SMYD3: variants seen among roughly 807,000 people sequenced by gnomAD.
SMYD3 encodes the protein SET and MYND domain containing 3.
SMYD3 carries 36 observed loss-of-function variants against 57.7 expected under a neutral mutation model. That is an observed-to-expected ratio of 0.62 (90% CI 0.48 to 0.82). SMYD3 has a LOEUF of 0.82. Ranked by LOEUF, SMYD3 falls within the 40% of genes least tolerant of loss-of-function variation. The pLI, the probability that SMYD3 is intolerant of heterozygous loss-of-function variation, is 0.00. For missense variants in SMYD3, 515 were observed against 538.8 expected (o/e 0.96, Z 0.44); for synonymous variants, 211 against 195.0 (o/e 1.08, Z -0.68).
At chr1:245,866,602 C>T (rs1162597801) in intron 8 of SMYD3, among the ~76,000 whole-genome samples, 2 of 152,044 alleles carry the variant, frequency 1.3e-5, no homozygotes, top group Admixed American at 6.5e-5. Flanking sequence ...TCTAGTGGCA[C>T]ACGCCTGTAA....
At chr1:246,093,587 G>A (rs1404256088) in intron 5 of SMYD3, among the ~76,000 whole-genome samples, 3 of 152,098 alleles carry the variant, frequency 2.0e-5, no homozygotes, top group African/African-American at 7.2e-5. Context: ...AGAGTAGAGG[G>A]GTGGTTATCA....
At chr1:245,751,548 G>C (rs1280613072) in intron 11 of SMYD3, among the ~76,000 whole-genome samples, 10 of 149,368 alleles carry the variant, frequency 6.7e-5, no homozygotes, top group Admixed American at 4.0e-4. Context: ...GAGAAAGAGA[G>C]AGAGAGACAG....
intron 5 of SMYD3, among the ~76,000 whole-genome samples, chr1:246,107,757 T>C (rs1184190203): frequency 6.6e-6 from 1 of 152,228 alleles, no homozygotes; most frequent in African/African-American, 2.4e-5. Flanking sequence ...GCTGTGCTGA[T>C]GCCATGGGAA....
At chr1:245,913,499 C>T (rs1339072020) in intron 8 of SMYD3, among the ~76,000 whole-genome samples, 1 of 150,278 alleles carries the variant, frequency 6.7e-6, no homozygotes, top group Non-Finnish European at 1.5e-5. Flanking sequence ...TGCCCTAGAA[C>T]TTAAACTATA....
chr1:246,377,344 A>G (rs1254725618), intron 1 of SMYD3, among the ~76,000 whole-genome samples: 3 of 151,978 alleles, frequency 2.0e-5, no homozygotes, highest in Non-Finnish European at 4.4e-5. Flanking sequence ...TCATGAGATA[A>G]TAAGAATAAA....
At chr1:246,446,766 A>C (rs1257030716) in intron 1 of SMYD3, among the ~76,000 whole-genome samples, 2 of 152,174 alleles carry the variant, frequency 1.3e-5, no homozygotes, top group African/African-American at 2.4e-5. Context: ...GCTGTGGCTC[A>C]CGCCTGTAAT....
chr1:246,492,275 C>T (rs376274226), intron 1 of SMYD3, among the ~76,000 whole-genome samples: 4 of 152,100 alleles, frequency 2.6e-5, no homozygotes, highest in Non-Finnish European at 4.4e-5. Flanking sequence ...ATGATGCCTG[C>T]GTCCCACCTC....
intron 1 of SMYD3, among the ~76,000 whole-genome samples, chr1:246,439,450 T>C (rs545282817): frequency 6.6e-5 from 10 of 152,342 alleles, no homozygotes; most frequent in African/African-American, 2.4e-4. Context: ...TGGCCCATTT[T>C]TTAGAACAGA....
intron 1 of SMYD3, among the ~76,000 whole-genome samples, chr1:246,505,779 G>A (rs1330891234): frequency 3.9e-5 from 6 of 152,190 alleles, no homozygotes; most frequent in Non-Finnish European, 8.8e-5. Context: ...GCACAATTCC[G>A]TGTGTCACAA....
At chr1:245,755,915 GTTA>G (rs1470344203) in intron 11 of SMYD3, among the ~76,000 whole-genome samples, 5 of 151,830 alleles carry the variant, frequency 3.3e-5, no homozygotes, top group South Asian at 2.1e-4. Context: ...AATTTACAAT[GTTA>G]TTATTAATAC....
intron 5 of SMYD3, among the ~76,000 whole-genome samples, chr1:246,057,211 G>A (rs1177427784): frequency 5.3e-5 from 8 of 152,272 alleles, no homozygotes; most frequent in Admixed American, 2.6e-4. Context: ...TTAACATAGC[G>A]TTAGAGGCAT....
chr1:246,344,739 A>G (rs963136565), intron 2 of SMYD3, among the ~76,000 whole-genome samples: 1 of 152,230 alleles, frequency 6.6e-6, no homozygotes, highest in Non-Finnish European at 1.5e-5. Flanking sequence ...AGCACTTGAC[A>G]AAGTCAGTCC....
intron 5 of SMYD3, chr1:246,326,357 A>C (rs1302359394): frequency 1.1e-5 from 8 of 698,732 alleles, no homozygotes; most frequent in Admixed American, 8.9e-5. Context: ...TCCCTATCCC[A>C]GGGTAAATAT....
intron 2 of SMYD3, among the ~76,000 whole-genome samples, chr1:246,339,706 G>A (rs1209778570): frequency 6.6e-6 from 1 of 152,194 alleles, no homozygotes; most frequent in Non-Finnish European, 1.5e-5. Context: ...TGCTGGAAAC[G>A]TAATCCCCAG....
intron 1 of SMYD3, among the ~76,000 whole-genome samples, chr1:246,504,560 T>G (rs1411536381): frequency 6.6e-6 from 1 of 152,266 alleles, no homozygotes; most frequent in Non-Finnish European, 1.5e-5. Context: ...AATGTCGTTA[T>G]GCAGTGCATG....
chr1:246,063,592 C>A lies in SMYD3; in HGVS notation c.532-133655G>T, dbSNP rs535521657. 3.4e-5 allele frequency among the ~76,000 whole-genome samples: 5 copies of A among 147,726 alleles called. No homozygotes were observed. In the South Asian group the frequency reaches 1.1e-3, roughly 34 times the overall value. On this transcript the variant is annotated intron_variant, in intron 5 of 11. Transcript: ENST00000490107. ...TTCCCTCCCTCACTCCCATTCCCTC[C>A]CCTCCCCTCCTCTCCCCTCCCTCTC...
At chr1:246,267,084 A>G (rs2064124305) in intron 5 of SMYD3, among the ~76,000 whole-genome samples, 1 of 152,162 alleles carries the variant, frequency 6.6e-6, no homozygotes, top group African/African-American at 2.4e-5. Context: ...GGATAATGCA[A>G]AATTCACTTT....
chr1:245,968,798 G>A (rs936835393), intron 5 of SMYD3, among the ~76,000 whole-genome samples: 17 of 152,094 alleles, frequency 1.1e-4, no homozygotes, highest in African/African-American at 2.7e-4. Context: ...TGCTGCCCTC[G>A]TCTTTCCCGC....
intron 5 of SMYD3, among the ~76,000 whole-genome samples, chr1:246,219,658 G>A (rs1489954021): frequency 1.3e-5 from 2 of 152,144 alleles, no homozygotes; most frequent in Non-Finnish European, 2.9e-5. Context: ...AGCTGTTAAC[G>A]CATAAGCCGT....
Sources: gnomAD v4.1 joint callset for allele counts (sites outside exome capture counted in the v4.1 genomes callset) on GRCh38, gnomAD v4.1.1 for gene constraint, MANE v1.5 for transcripts, NCBI Gene and HGNC (gene_info 2026-07-23, HGNC 2026-07-21) for gene names.